The following DNAJC1 variants were observed in gnomAD, a reference collection of about 807,000 sequenced individuals.
DNAJC1 encodes dnaJ homolog subfamily C member 1.
Under a neutral mutation model 76.6 loss-of-function variants are expected in DNAJC1, and 58 were observed. That is an observed-to-expected ratio of 0.76 (90% CI 0.61 to 0.94). The LOEUF (loss-of-function observed/expected upper bound fraction) is 0.94, where lower values mean the gene tolerates loss of function less well. Ranked by LOEUF, DNAJC1 falls within the 40% of genes least tolerant of loss-of-function variation. The pLI is 0.00. For synonymous variants in DNAJC1, 258 were observed against 267.9 expected (o/e 0.96, Z 0.36); for missense variants, 689 against 677.3 (o/e 1.02, Z -0.19).
chr10:21,933,841 G>A (rs1402573490), intron 1 of DNAJC1, among the ~76,000 whole-genome samples: 1 of 152,052 alleles, frequency 6.6e-6, no homozygotes, highest in African/African-American at 2.4e-5. Context: ...ATGTGTTTGT[G>A]GTGAGGCTAG....
intron 9 of DNAJC1, among the ~76,000 whole-genome samples, chr10:21,772,521 T>A (rs7924175): frequency 0.033 from 4,974 of 152,226 alleles, 130 homozygotes; most frequent in Middle Eastern, 0.065. Flanking sequence ...TTTCTTGACA[T>A]ACATTTATTC....
At chr10:21,878,294 T>C (rs1170358106) in intron 8 of DNAJC1, among the ~76,000 whole-genome samples, 3 of 152,216 alleles carry the variant, frequency 2.0e-5, no homozygotes, top group Non-Finnish European at 4.4e-5. Context: ...CAGAGATGAT[T>C]AGCATCATCG....
intron 1 of DNAJC1, among the ~76,000 whole-genome samples, chr10:21,999,451 CTTTTTTT>C (rs140026558): frequency 3.2e-5 from 3 of 94,032 alleles, no homozygotes; most frequent in Non-Finnish European, 5.8e-5. Context: ...CTTCTTGACT[CTTTTTTT>C]TTTTTTTTTT....
At chr10:21,850,802 G>A (rs1202733821) in intron 8 of DNAJC1, among the ~76,000 whole-genome samples, 1 of 152,080 alleles carries the variant, frequency 6.6e-6, no homozygotes, top group Non-Finnish European at 1.5e-5. Flanking sequence ...TCAAAATATT[G>A]TGGTACTGGC....
Position 21,759,184 on chromosome 10 carries a change from G to C in DNAJC1, c.1582C>G (p.Pro528Ala), listed in dbSNP as rs1834210521. ...CCATCACTCACCTTGCTCTTGGACG[G>C]GACACATCTGGCTATTTTGTCCCAG... ...DRWDKIARCV[P>A]SKSKEDCIAR... is the part of the protein sequence containing the mutation. The change falls in exon 11 of 12, where the codon CCG becomes GCG. Residue 528 changes from proline to alanine, a missense_variant. Transcript: ENST00000376980. 2 of 1,613,592 alleles carry C rather than the reference G, an allele frequency of 1.2e-6. No homozygotes were observed. Among genetic ancestry groups the C allele is most frequent in the Admixed American group, 3.3e-5 (2 of 59,958 alleles).
intron 1 of DNAJC1, 104 bp downstream of exon 1, chr10:22,003,109 G>A (rs1451014243): frequency 1.5e-6 from 2 of 1,340,282 alleles, no homozygotes; most frequent in Middle Eastern, 2.7e-4. Flanking sequence ...AGAGCCCGGG[G>A]TGACCAAGCC....
At chr10:22,001,496 C>G (rs952498762) in intron 1 of DNAJC1, among the ~76,000 whole-genome samples, 3 of 152,158 alleles carry the variant, frequency 2.0e-5, no homozygotes, top group African/African-American at 4.8e-5. Context: ...CGGATTCTAC[C>G]TTGACAAAGA....
chr10:21,884,874 G>A (rs1278949453), intron 7 of DNAJC1, among the ~76,000 whole-genome samples: 1 of 151,912 alleles, frequency 6.6e-6, no homozygotes, highest in Non-Finnish European at 1.5e-5. Context: ...ATTTATAAAG[G>A]GGCACTAAAT....
chr10:21,853,564 A>G (rs1237430606), intron 8 of DNAJC1, among the ~76,000 whole-genome samples: 1 of 151,916 alleles, frequency 6.6e-6, no homozygotes. Flanking sequence ...ATATTGTTGT[A>G]CCAGAATATC....
chr10:21,823,312 G>A (rs1835190539), intron 8 of DNAJC1, among the ~76,000 whole-genome samples: 1 of 152,138 alleles, frequency 6.6e-6, no homozygotes, highest in South Asian at 2.1e-4. Context: ...TGGTTCCTAG[G>A]ATGGGATAAG....
At chr10:21,881,358 G>C (rs551534900) in intron 8 of DNAJC1, among the ~76,000 whole-genome samples, 1 of 152,236 alleles carries the variant, frequency 6.6e-6, no homozygotes, top group African/African-American at 2.4e-5. Context: ...TAACTGTTTG[G>C]TGCAAGAGGC....
At position 21,766,316 on chromosome 10, in the gene DNAJC1, C is replaced by A. The variant is rs1266339017; in HGVS notation, c.1099-7G>T. 4 of 1,613,220 alleles carry A rather than the reference C, an allele frequency of 2.5e-6. No homozygotes were observed. Among genetic ancestry groups the A allele is most frequent in the Middle Eastern group, 1.7e-4 (1 of 6,060 alleles). ...GCTTGGCTTTGGTTGTCACCTGTTT[C>A]AAAACATAAAAGCAAAAATCTTACT... is the stretch of plus-strand genomic sequence containing the variant. On this transcript the variant is annotated splice_region_variant and splice_polypyrimidine_tract_variant and intron_variant, in intron 9 of 11. Coordinates refer to ENST00000376980, the MANE Select transcript of DNAJC1 (RefSeq NM_022365.4).
intron 8 of DNAJC1, among the ~76,000 whole-genome samples, chr10:21,869,739 G>A (rs1782446637): frequency 6.6e-6 from 1 of 152,094 alleles, no homozygotes; most frequent in Admixed American, 6.5e-5. Context: ...TGGAGAAGTG[G>A]TTAATAAATC....
chr10:21,858,022 C>T (rs1020319859), intron 8 of DNAJC1, among the ~76,000 whole-genome samples: 1 of 152,038 alleles, frequency 6.6e-6, no homozygotes, highest in African/African-American at 2.4e-5. Flanking sequence ...CATATATAAC[C>T]ACAGCTATCT....
intron 1 of DNAJC1, among the ~76,000 whole-genome samples, chr10:21,982,715 CA>C (rs1236237716): frequency 5.1e-5 from 7 of 138,056 alleles, no homozygotes; most frequent in Non-Finnish European, 1.1e-4. Flanking sequence ...GGATAGCTAT[CA>C]TAAAAAAAAA....
At chr10:21,801,682 G>A (rs1359405364) in intron 9 of DNAJC1, among the ~76,000 whole-genome samples, 1 of 152,112 alleles carries the variant, frequency 6.6e-6, no homozygotes, top group Non-Finnish European at 1.5e-5. Context: ...AAAGACACAT[G>A]CACGTGAATG....
chr10:21,766,538 G>A (rs1405248472), intron 9 of DNAJC1, among the ~76,000 whole-genome samples: 1 of 152,072 alleles, frequency 6.6e-6, no homozygotes, highest in African/African-American at 2.4e-5. Flanking sequence ...GCAGCTTCAG[G>A]ACAAGAACTC....
chr10:21,969,191 G>A (rs375617952), intron 1 of DNAJC1, among the ~76,000 whole-genome samples: 24 of 134,540 alleles, frequency 1.8e-4, no homozygotes, highest in African/African-American at 5.3e-4. Context: ...ACCACTGTAC[G>A]CCAACCTGGG....
At chr10:21,877,799 C>T (rs1457203564) in intron 8 of DNAJC1, among the ~76,000 whole-genome samples, 1 of 152,180 alleles carries the variant, frequency 6.6e-6, no homozygotes, top group Non-Finnish European at 1.5e-5. Context: ...GGCGCCAACC[C>T]CTGGTCAGTT....
Sources: allele counts gnomAD v4.1 joint callset (sites outside exome capture counted in the v4.1 genomes callset), GRCh38; gene constraint gnomAD v4.1.1; transcripts MANE v1.5; gene names NCBI Gene and HGNC (gene_info 2026-07-23, HGNC 2026-07-21).